Variants in GRID2 observed in about 807,000 individuals in gnomAD.
GRID2 encodes glutamate ionotropic receptor delta type subunit 2, also known as glutamate receptor ionotropic, delta-2.
GRID2 carries 33 observed loss-of-function variants against 114.8 expected under a neutral mutation model. That is an observed-to-expected ratio of 0.29 (90% confidence interval 0.22 to 0.38). The LOEUF (loss-of-function observed/expected upper bound fraction) is 0.38. GRID2 is among the 10% of genes least tolerant of loss of function. The pLI, the probability that GRID2 is intolerant of heterozygous loss-of-function variation, is 1.00. For missense variants in GRID2, 1,184 were observed against 1,257.7 expected (o/e 0.94, Z 0.89); for synonymous variants, 505 against 449.9 (o/e 1.12, Z -1.55).
At chr4:93,507,550 T>A (rs1728751589) in intron 12 of GRID2, among the ~76,000 whole-genome samples, 1 of 152,230 alleles carries the variant, frequency 6.6e-6, no homozygotes, top group Non-Finnish European at 1.5e-5. Context: ...ATTCTTTAGC[T>A]ACTAAAATCA....
chr4:92,407,114 C>T (rs1224511433), intron 1 of GRID2, among the ~76,000 whole-genome samples: 1 of 151,862 alleles, frequency 6.6e-6, no homozygotes, highest in Non-Finnish European at 1.5e-5. Context: ...TCAGATACTG[C>T]CACTCTTAAA....
chr4:92,902,013 T>C (rs745438751), intron 2 of GRID2, among the ~76,000 whole-genome samples: 1 of 152,066 alleles, frequency 6.6e-6, no homozygotes, highest in Non-Finnish European at 1.5e-5. Flanking sequence ...GTTTGTTTGT[T>C]TATATATTTG....
intron 2 of GRID2, among the ~76,000 whole-genome samples, chr4:92,689,179 T>G (rs1436742901): frequency 6.6e-6 from 1 of 152,194 alleles, no homozygotes; most frequent in African/African-American, 2.4e-5. Context: ...GCAAAATAGA[T>G]TTAGCATAAT....
At chr4:92,715,944 C>T (rs936244237) in intron 2 of GRID2, among the ~76,000 whole-genome samples, 2 of 152,258 alleles carry the variant, frequency 1.3e-5, no homozygotes, top group African/African-American at 2.4e-5. Flanking sequence ...TATGAAGAAA[C>T]TGCTATAGAA....
At chr4:93,615,964 A>T (rs1370838911) in intron 13 of GRID2, among the ~76,000 whole-genome samples, 1 of 152,178 alleles carries the variant, frequency 6.6e-6, no homozygotes, top group African/African-American at 2.4e-5. Flanking sequence ...TTTCCAAATT[A>T]GAGAAGGACA....
chr4:92,873,631 C>A (rs529236558), intron 2 of GRID2, among the ~76,000 whole-genome samples: 1 of 152,046 alleles, frequency 6.6e-6, no homozygotes. Flanking sequence ...GATTTCCTAT[C>A]CATAAAAGAG....
At chr4:92,449,712 A>G (rs973211267) in intron 1 of GRID2, among the ~76,000 whole-genome samples, 22 of 67,672 alleles carry the variant, frequency 3.3e-4, no homozygotes, top group Non-Finnish European at 1.9e-4. Context: ...TATATATATA[A>G]CACTTAAGCC....
intron 5 of GRID2, among the ~76,000 whole-genome samples, chr4:93,209,709 C>T (rs1743230906): frequency 6.6e-6 from 1 of 152,006 alleles, no homozygotes; most frequent in South Asian, 2.1e-4. Context: ...ATTTACACTC[C>T]CACCACCAAC....
At chr4:92,911,417 C>A (rs916388741) in intron 2 of GRID2, among the ~76,000 whole-genome samples, 2 of 151,932 alleles carry the variant, frequency 1.3e-5, no homozygotes, top group African/African-American at 2.4e-5. Context: ...ACCTGTGTAA[C>A]AAAAACACTT....
At chr4:93,369,050 C>CTGAT (rs1297109911) in intron 8 of GRID2, among the ~76,000 whole-genome samples, 1 of 152,156 alleles carries the variant, frequency 6.6e-6, no homozygotes, top group Non-Finnish European at 1.5e-5. Context: ...TTATCGCAAA[C>CTGAT]TGATTGGCTT....
chr4:92,460,240 C>G (rs529651841), intron 1 of GRID2, among the ~76,000 whole-genome samples: 17 of 151,350 alleles, frequency 1.1e-4, no homozygotes, highest in African/African-American at 4.1e-4. Context: ...AAGGCAAATA[C>G]TGTGTGATCG....
intron 2 of GRID2, among the ~76,000 whole-genome samples, chr4:92,750,760 A>G (rs1040890247): frequency 6.6e-6 from 1 of 152,238 alleles, no homozygotes; most frequent in African/African-American, 2.4e-5. Flanking sequence ...GAGTCTCAGT[A>G]CTTCAACAGT....
chr4:93,223,462 C>A (rs1263542960), intron 6 of GRID2, among the ~76,000 whole-genome samples: 1 of 152,136 alleles, frequency 6.6e-6, no homozygotes, highest in Non-Finnish European at 1.5e-5. Flanking sequence ...TTGCATCAGA[C>A]TCTAATTATC....
intron 2 of GRID2, among the ~76,000 whole-genome samples, chr4:93,001,579 G>A (rs966736213): frequency 1.3e-5 from 2 of 151,758 alleles, no homozygotes; most frequent in African/African-American, 4.8e-5. Context: ...AAATTTTCCT[G>A]TATTTAGCTG....
chr4:93,713,050 TG>T (rs1343802328), intron 14 of GRID2, among the ~76,000 whole-genome samples: 3 of 152,144 alleles, frequency 2.0e-5, no homozygotes, highest in African/African-American at 7.2e-5. Flanking sequence ...AAGAGTTTTT[TG>T]TTATGTTTTG....
intron 2 of GRID2, among the ~76,000 whole-genome samples, chr4:92,982,564 T>C (rs545377941): frequency 5.5e-4 from 84 of 152,186 alleles, no homozygotes; most frequent in African/African-American, 2.0e-3. Context: ...GCTCTGCCCT[T>C]TCATCCTCAC....
chr4:92,984,450 A>G (rs1459886307), intron 2 of GRID2, among the ~76,000 whole-genome samples: 1 of 152,222 alleles, frequency 6.6e-6, no homozygotes. Flanking sequence ...ACTCTTTGTT[A>G]GAGAAAGACT....
chr4:92,493,263 T>C (rs1723237796), intron 1 of GRID2, among the ~76,000 whole-genome samples: 1 of 152,186 alleles, frequency 6.6e-6, no homozygotes, highest in African/African-American at 2.4e-5. Flanking sequence ...CTATTAAGTC[T>C]TCAAGAAGCA....
At chr4:92,526,339 A>G (rs1322000862) in intron 1 of GRID2, among the ~76,000 whole-genome samples, 1 of 151,964 alleles carries the variant, frequency 6.6e-6, no homozygotes, top group Non-Finnish European at 1.5e-5. Context: ...TGATAGTTGC[A>G]TTTTTTGTTT....
Sources: allele counts gnomAD v4.1 joint callset (sites outside exome capture counted in the v4.1 genomes callset), GRCh38; gene constraint gnomAD v4.1.1; transcripts MANE v1.5; gene names NCBI Gene and HGNC (gene_info 2026-07-23, HGNC 2026-07-21).